The following ZFHX3 variants were observed in gnomAD, a reference collection of about 807,000 sequenced individuals.
The protein encoded by ZFHX3 is zinc finger homeobox 3, also known as zinc finger homeobox protein 3.
A neutral mutation model predicts 279.1 loss-of-function variants in ZFHX3; 42 were observed. The ratio of observed to expected loss-of-function variants is 0.15; its 90% CI spans 0.12 to 0.19. ZFHX3 has a LOEUF of 0.19. Ranked by LOEUF, ZFHX3 falls within the 10% of genes least tolerant of loss-of-function variation. ZFHX3 has a pLI of 1.00. For missense variants in ZFHX3, 4,981 were observed against 4,754.0 expected (o/e 1.05, Z -1.40); for synonymous variants, 2,293 against 1,957.8 (o/e 1.17, Z -4.52).
At chr16:72,896,287 T>C (rs2038898742) in intron 3 of ZFHX3, among the ~76,000 whole-genome samples, 1 of 152,160 alleles carries the variant, frequency 6.6e-6, no homozygotes, top group South Asian at 2.1e-4. Flanking sequence ...ACTCATGTTT[T>C]AAAATGTTCA....
intron 8 of ZFHX3, among the ~76,000 whole-genome samples, chr16:73,079,016 C>T (rs1469874474): frequency 2.0e-5 from 3 of 151,984 alleles, no homozygotes; most frequent in Admixed American, 6.6e-5. Flanking sequence ...TGCCTTTTAC[C>T]ACCTCCTCTT....
In ZFHX3 at chr16:73,235,131, G is replaced by A. The variant is rs1392385816; in HGVS notation, c.-1104+21916C>T. Among the ~76,000 whole-genome samples, 3 of 152,296 alleles carry A rather than the reference G, an allele frequency of 2.0e-5. No individual in the cohort carries two copies. The East Asian group carries it at 5.8e-4, about 29-fold the overall frequency. Reference sequence around the variant, plus strand: ...ATCAACCAGGCTGGAGTGCAGTGGTGCAATCTCGGCTCACTGCAACCTCTG... The same window carrying A: ...ATCAACCAGGCTGGAGTGCAGTGGTACAATCTCGGCTCACTGCAACCTCTG... On this transcript the variant is annotated intron_variant, in intron 5 of 17. Transcript: ENST00000641206.
chr16:73,809,169 G>A (rs1380176245), intron 1 of ZFHX3: 1 of 152,194 alleles, frequency 6.6e-6, no homozygotes, highest in Non-Finnish European at 1.5e-5. Flanking sequence ...ATCCCAAGGT[G>A]CAGGTAGAGT....
chr16:72,843,038 C>T (rs1178974724), intron 4 of ZFHX3, among the ~76,000 whole-genome samples: 1 of 152,154 alleles, frequency 6.6e-6, no homozygotes, highest in Non-Finnish European at 1.5e-5. Flanking sequence ...ATAGTCCAAA[C>T]ACAAAGAGAG....
At chr16:73,817,023 G>A (rs1309046533) in intron 1 of ZFHX3, among the ~76,000 whole-genome samples, 1 of 152,222 alleles carries the variant, frequency 6.6e-6, no homozygotes, top group African/African-American at 2.4e-5. Flanking sequence ...AATGGTATGA[G>A]TAAGGGAGAC....
chr16:73,469,810 G>T (rs990858878), intron 2 of ZFHX3, among the ~76,000 whole-genome samples: 3 of 152,056 alleles, frequency 2.0e-5, no homozygotes, highest in African/African-American at 7.2e-5. Flanking sequence ...TAGAGATGGG[G>T]TTTCACCATC....
At chr16:73,319,374 C>T (rs2015525110) in intron 3 of ZFHX3, among the ~76,000 whole-genome samples, 1 of 152,030 alleles carries the variant, frequency 6.6e-6, no homozygotes, top group East Asian at 1.9e-4. Flanking sequence ...GGAACCAGCA[C>T]AGGTTACTTG....
chr16:73,759,491 A>C (rs2053841884), intron 1 of ZFHX3, among the ~76,000 whole-genome samples: 1 of 152,214 alleles, frequency 6.6e-6, no homozygotes, highest in Non-Finnish European at 1.5e-5. Context: ...CCTGCTAAAA[A>C]TTCTTGTTAA....
intron 7 of ZFHX3, chr16:72,809,777 A>G (rs1459465256): frequency 2.0e-5 from 3 of 152,198 alleles, no homozygotes; most frequent in Admixed American, 1.3e-4. Context: ...TCTTCACGTG[A>G]AAAGGCAATC....
chr16:72,907,972 C>T (rs190192187), intron 3 of ZFHX3, among the ~76,000 whole-genome samples: 294 of 152,262 alleles, frequency 1.9e-3, no homozygotes, highest in African/African-American at 6.8e-3. Flanking sequence ...CATTAGCCAC[C>T]GTGCCCAGCC....
At chr16:73,340,677 A>T (rs972201989) in intron 3 of ZFHX3, among the ~76,000 whole-genome samples, 1 of 152,164 alleles carries the variant, frequency 6.6e-6, no homozygotes, top group Admixed American at 6.5e-5. Flanking sequence ...TGCCTGGCTG[A>T]TCTTTTTACT....
At chr16:72,991,678 C>T (rs1203844890) in intron 1 of ZFHX3, among the ~76,000 whole-genome samples, 1 of 151,960 alleles carries the variant, frequency 6.6e-6, no homozygotes, top group East Asian at 1.9e-4. Flanking sequence ...CAACAAAGGC[C>T]GTATTCTCAC....
intron 7 of ZFHX3, chr16:72,807,431 CT>C (rs2143553005): frequency 6.6e-6 from 1 of 152,258 alleles, no homozygotes; most frequent in Non-Finnish European, 1.5e-5. Context: ...CTCAAGCCCC[CT>C]CATCAGTAAG....
At chr16:73,271,303 T>A (rs1442641676) in intron 4 of ZFHX3, among the ~76,000 whole-genome samples, 1 of 152,218 alleles carries the variant, frequency 6.6e-6, no homozygotes, top group East Asian at 1.9e-4. Flanking sequence ...TCAGTCTTCT[T>A]GTTTTGAGAC....
At chr16:73,218,754 G>C (rs1287560573) in intron 5 of ZFHX3, among the ~76,000 whole-genome samples, 1 of 152,162 alleles carries the variant, frequency 6.6e-6, no homozygotes, top group South Asian at 2.1e-4. Context: ...GGGTGACAGA[G>C]CGAGACCCTG....
chr16:73,793,176 A>G (rs1374274664), intron 1 of ZFHX3, among the ~76,000 whole-genome samples: 1 of 152,174 alleles, frequency 6.6e-6, no homozygotes, highest in Non-Finnish European at 1.5e-5. Flanking sequence ...TACAATGGAA[A>G]AACAAACAAA....
chr16:73,347,032 A>G lies in ZFHX3; in HGVS notation c.-1290-28696T>C, dbSNP rs370482970. Among the ~76,000 whole-genome samples the G allele has an allele frequency of 4.6e-5, 7 of 152,368 alleles. No homozygotes were observed. In the South Asian group the frequency reaches 1.2e-3, roughly 27 times the overall value. ...TGAAGCTCAGAGCCATAAAATAACC[A>G]GCAAGGATCCTGGAACTGCTAGGTG... is the stretch of plus-strand genomic sequence containing the variant. On this transcript the variant is annotated intron_variant, in intron 3 of 17. Transcript: ENST00000641206.
Position 73,067,766 on chromosome 16 carries a change from C to T in ZFHX3, c.-532-8754G>A, listed in dbSNP as rs115527899. 5.5e-3 allele frequency among the ~76,000 whole-genome samples: 835 copies of T among 152,254 alleles called. 4 individuals are homozygous for T. The highest frequency in any genetic ancestry group is 0.019 in the African/African-American group (806 of 41,544). On this transcript the variant is annotated intron_variant, in intron 8 of 17. Coordinates refer to the ZFHX3 transcript ENST00000641206. ...TAATACACTGAATTTAGTGCCCAGC[C>T]TTGGAGGGGTCTGCAGAGAGACGCT...
intron 1 of ZFHX3, among the ~76,000 whole-genome samples, chr16:72,969,087 T>C (rs1961983836): frequency 6.6e-6 from 1 of 152,142 alleles, no homozygotes; most frequent in African/African-American, 2.4e-5. Flanking sequence ...TTGAAATTGT[T>C]AAAAGAAAAA....
Sources: gnomAD v4.1 joint callset for allele counts (sites outside exome capture counted in the v4.1 genomes callset) on GRCh38, gnomAD v4.1.1 for gene constraint, MANE v1.5 for transcripts, NCBI Gene and HGNC (gene_info 2026-07-23, HGNC 2026-07-21) for gene names.